The following CYBRD1 variants were observed in gnomAD, a reference collection of about 807,000 sequenced individuals.
CYBRD1 encodes cytochrome b reductase 1, also known as plasma membrane ascorbate-dependent reductase CYBRD1.
Under a neutral mutation model 21.9 loss-of-function variants are expected in CYBRD1, and 14 were observed. The ratio of observed to expected loss-of-function variants is 0.64; its 90% CI spans 0.42 to 1.00. CYBRD1 has a LOEUF of 1.00. Among genes scored for constraint, CYBRD1 ranks in the 50% least tolerant of loss-of-function variants. The pLI is 0.00. For synonymous variants in CYBRD1, 146 were observed against 136.5 expected (o/e 1.07, Z -0.48); for missense variants, 328 against 352.5 (o/e 0.93, Z 0.56).
intron 1 of CYBRD1, among the ~76,000 whole-genome samples, chr2:171,534,308 G>T (rs1697515715): frequency 6.6e-6 from 1 of 152,144 alleles, no homozygotes; most frequent in Non-Finnish European, 1.5e-5. Context: ...CTTCTTGTGG[G>T]CTTAGGGGAC....
intron 1 of CYBRD1, among the ~76,000 whole-genome samples, chr2:171,530,538 G>T (rs1235599206): frequency 6.6e-6 from 1 of 152,160 alleles, no homozygotes; most frequent in Non-Finnish European, 1.5e-5. Context: ...TTGTGTGAGA[G>T]GTGGGAACTG....
At chr2:171,533,143 G>C (rs1019134367) in intron 1 of CYBRD1, among the ~76,000 whole-genome samples, 1 of 152,000 alleles carries the variant, frequency 6.6e-6, no homozygotes. Context: ...AAGGTGGGCA[G>C]ATCACTTGAG....
At chr2:171,552,098 G>A (rs548910324) in intron 2 of CYBRD1, among the ~76,000 whole-genome samples, 17 of 152,268 alleles carry the variant, frequency 1.1e-4, no homozygotes, top group African/African-American at 4.1e-4. Context: ...TAAGCAGACT[G>A]TGTGTGAGCA....
chr2:171,522,713 C>T lies in CYBRD1; in HGVS notation c.168C>T (p.Thr56=), dbSNP rs1489837728. ...ACTGGCACCCAGTGCTCATGGTCAC[C>T]GGCTTCGTCTTCATCCAGGGCATCG... ...EFNWHPVLMV[T]GFVFIQGIAI... is the part of the protein sequence containing the mutation. Residue 56 remains threonine (T), a synonymous_variant, in exon 1 of 4, where the codon ACC becomes ACT. Coordinates refer to ENST00000321348, the MANE Select transcript of CYBRD1 (RefSeq NM_024843.4). The surrounding 1 kb of genome is among the most constrained non-coding windows in gnomAD (Gnocchi z 4.3). 1 of 1,613,480 alleles carries T rather than the reference C, an allele frequency of 6.2e-7. No individual in the cohort carries two copies. The highest frequency in any genetic ancestry group is 2.2e-5 in the East Asian group (1 of 44,878).
At chr2:171,523,142 C>A in intron 1 of CYBRD1, 4 of 321,908 alleles carry the variant, frequency 1.2e-5, no homozygotes. Context: ...GCCCACGCGC[C>A]CCGGAAAGTC....
At chr2:171,547,743 AT>A (rs1246880001) in intron 2 of CYBRD1, among the ~76,000 whole-genome samples, 3 of 152,130 alleles carry the variant, frequency 2.0e-5, no homozygotes, top group African/African-American at 7.2e-5. Context: ...TGATAGTAAA[AT>A]CATCCCCCAA....
intron 2 of CYBRD1, among the ~76,000 whole-genome samples, chr2:171,552,620 G>A (rs1417738498): frequency 6.6e-6 from 1 of 152,182 alleles, no homozygotes; most frequent in Admixed American, 6.5e-5. Flanking sequence ...TCTTGTTGAA[G>A]AGAGGATACT....
upstream of CYBRD1, chr2:171,522,470 C>T: frequency 6.5e-7 from 1 of 1,541,648 alleles, no homozygotes; most frequent in Non-Finnish European, 8.7e-7. The surrounding 1 kb of genome is among the most constrained non-coding windows in gnomAD (Gnocchi z 4.3). Flanking sequence ...GGTCCCGCCG[C>T]CCGGCCACTA....
chr2:171,546,429 C>T lies in CYBRD1; in HGVS notation c.402+4636C>T, dbSNP rs181751901. ...AATCCTGTGGTATGCCCCTTTATGA[C>T]CTGCAGATGACATTTTCCACTTCTA... On this transcript the variant is annotated intron_variant, in intron 2 of 3. Transcript: ENST00000321348. Among the ~76,000 whole-genome samples, 832 of 152,248 alleles carry T rather than the reference C, an allele frequency of 5.5e-3. 5 individuals are homozygous for T. The highest frequency in any genetic ancestry group is 8.2e-3 in the Non-Finnish European group (561 of 68,012).
intron 1 of CYBRD1, among the ~76,000 whole-genome samples, chr2:171,523,818 C>T (rs1697347555): frequency 6.6e-6 from 1 of 152,244 alleles, no homozygotes; most frequent in Non-Finnish European, 1.5e-5. Context: ...TTTGTAACCA[C>T]TTCCCCAAAG....
At chr2:171,548,810 C>T (rs916874774) in intron 2 of CYBRD1, among the ~76,000 whole-genome samples, 1 of 150,258 alleles carries the variant, frequency 6.7e-6, no homozygotes, top group Non-Finnish European at 1.5e-5. Context: ...GAAAAAAAAC[C>T]AACCTCAGGC....
chr2:171,533,116 C>G (rs1050295543), intron 1 of CYBRD1, among the ~76,000 whole-genome samples: 2 of 151,990 alleles, frequency 1.3e-5, no homozygotes, highest in African/African-American at 4.8e-5. Context: ...CCTGTAATCC[C>G]AGCACTTTGG....
chr2:171,531,683 C>A (rs1193261950), intron 1 of CYBRD1, among the ~76,000 whole-genome samples: 1 of 152,106 alleles, frequency 6.6e-6, no homozygotes, highest in African/African-American at 2.4e-5. Flanking sequence ...ATATTTAGAG[C>A]TGGCTGGGAC....
chr2:171,552,001 G>A (rs1253586559), intron 2 of CYBRD1, among the ~76,000 whole-genome samples: 2 of 152,070 alleles, frequency 1.3e-5, no homozygotes, highest in African/African-American at 4.8e-5. Context: ...TGCTGAATAG[G>A]AATAGGTGAT....
chr2:171,523,297 A>T, intron 1 of CYBRD1: 1 of 429,980 alleles, frequency 2.3e-6, no homozygotes, highest in South Asian at 1.7e-5. Context: ...CGTATTTGTA[A>T]CATCCTCGGC....
At chr2:171,525,994 C>T (rs943272815) in intron 1 of CYBRD1, among the ~76,000 whole-genome samples, 3 of 146,378 alleles carry the variant, frequency 2.0e-5, no homozygotes, top group Non-Finnish European at 3.0e-5. Context: ...TGGCCGGGCA[C>T]GGTGGCTTAC....
chr2:171,544,139 T>C (rs1697676624), intron 2 of CYBRD1, among the ~76,000 whole-genome samples: 1 of 152,236 alleles, frequency 6.6e-6, no homozygotes, highest in South Asian at 2.1e-4. Context: ...CTTGTAGTTT[T>C]AATGTTCATT....
chr2:171,554,229 G>GT (rs1197226379), intron 3 of CYBRD1, among the ~76,000 whole-genome samples: 2 of 152,102 alleles, frequency 1.3e-5, no homozygotes, highest in Admixed American at 6.6e-5. Context: ...TTTCCTTTTG[G>GT]TTTAGTTCTA....
intron 1 of CYBRD1, among the ~76,000 whole-genome samples, chr2:171,523,728 G>GCC (rs1697346096): frequency 1.1e-5 from 1 of 89,260 alleles, no homozygotes; most frequent in East Asian, 7.5e-4. Flanking sequence ...ATTGTGTAGT[G>GCC]CCTCTCAATG....
Sources: allele counts gnomAD v4.1 joint callset (sites outside exome capture counted in the v4.1 genomes callset), GRCh38; gene constraint gnomAD v4.1.1; non-coding constraint Gnocchi (gnomAD v3.1); transcripts MANE v1.5; gene names NCBI Gene and HGNC (gene_info 2026-07-23, HGNC 2026-07-21).